The following NEO1 variants were observed in gnomAD, a reference collection of about 807,000 sequenced individuals.
The protein encoded by NEO1 is neogenin 1, also known as neogenin.
Under a neutral mutation model 159.7 loss-of-function variants are expected in NEO1, and 63 were observed. The observed-to-expected ratio is 0.39, with a 90% CI of 0.32 to 0.49. The LOEUF is 0.49. Among genes scored for constraint, NEO1 ranks in the 20% least tolerant of loss-of-function variants. The probability of loss-of-function intolerance (pLI) is 0.85; values close to 1 mark genes in which losing one functional copy is unlikely to be tolerated. For missense variants in NEO1, 1,615 were observed against 1,831.0 expected, an observed-to-expected ratio of 0.88 and a Z score of 2.15; for synonymous variants, 633 against 662.0, an observed-to-expected ratio of 0.96 and a Z score of 0.67.
chr15:73,302,803 A>G lies in NEO1; in HGVS notation c.*107A>G. 9.7e-7 allele frequency: 1 copy of G among 1,025,784 alleles called. No homozygotes were observed. Among genetic ancestry groups the G allele is most frequent in the Non-Finnish European group, 1.5e-6 (1 of 680,616 alleles). The allele number at this position is 1,025,784 out of a possible 1,614,324, so 63.5% of individuals were successfully genotyped here. On this transcript the variant is annotated 3_prime_UTR_variant, in exon 29 of 29. Coordinates refer to ENST00000261908, the MANE Select transcript of NEO1 (RefSeq NM_002499.4). Reference sequence around the variant, plus strand: ...ACGAGAGGACAGCACTTGAGAACACAGAATGAGCCAGCAGACTGGCCAGCG... The same window carrying G: ...ACGAGAGGACAGCACTTGAGAACACGGAATGAGCCAGCAGACTGGCCAGCG...
intron 22 of NEO1, among the ~76,000 whole-genome samples, chr15:73,280,149 G>C (rs942849903): frequency 6.6e-6 from 1 of 152,084 alleles, no homozygotes; most frequent in Non-Finnish European, 1.5e-5. Context: ...GGCCAGGCGT[G>C]GTGGTATGCA....
chr15:73,302,519 C>T (rs1488227007), intron 28 of NEO1, 94 bp from the exon 29 acceptor site: 11 of 1,149,288 alleles, frequency 9.6e-6, no homozygotes, highest in Non-Finnish European at 1.3e-5. Flanking sequence ...GGCCATTTGA[C>T]TACTGACCAC....
At chr15:73,236,217 T>C in intron 7 of NEO1, 130 bp from the exon 8 acceptor site, 1 of 1,291,996 alleles carries the variant, frequency 7.7e-7, no homozygotes, top group Non-Finnish European at 1.1e-6. Flanking sequence ...TGTTTTTTGT[T>C]TTTTCTGTTC....
At chr15:73,267,052 A>C (rs527858749) in intron 16 of NEO1, among the ~76,000 whole-genome samples, 169 of 152,286 alleles carry the variant, frequency 1.1e-3, no homozygotes, top group African/African-American at 3.9e-3. Flanking sequence ...AGGTCAGGAG[A>C]TCGAGACCAT....
intron 1 of NEO1, among the ~76,000 whole-genome samples, chr15:73,064,175 G>A (rs2068100679): frequency 6.6e-6 from 1 of 152,186 alleles, no homozygotes; most frequent in African/African-American, 2.4e-5. Context: ...AAATTTTGGG[G>A]TAAGAAATGT....
chr15:73,096,981 TG>T (rs1188550372), intron 1 of NEO1, among the ~76,000 whole-genome samples: 1 of 151,852 alleles, frequency 6.6e-6, no homozygotes, highest in Non-Finnish European at 1.5e-5. Flanking sequence ...AAAAATTAGC[TG>T]GGTGTGGTAG....
chr15:73,102,137 G>A (rs186900231), intron 1 of NEO1, among the ~76,000 whole-genome samples: 158 of 152,278 alleles, frequency 1.0e-3, no homozygotes, highest in Non-Finnish European at 1.2e-3. Context: ...AGAGGCCGAG[G>A]CGGGCGGATC....
chr15:73,061,412 T>G (rs2067972782), intron 1 of NEO1, among the ~76,000 whole-genome samples: 1 of 152,178 alleles, frequency 6.6e-6, no homozygotes, highest in South Asian at 2.1e-4. Flanking sequence ...AGATCTTCCC[T>G]CAGAAATCTC....
chr15:73,249,379 C>T (rs531109457), intron 10 of NEO1, among the ~76,000 whole-genome samples, 171 bp downstream of exon 10: 1 of 152,218 alleles, frequency 6.6e-6, no homozygotes, highest in Non-Finnish European at 1.5e-5. Context: ...GTAGTTTTTA[C>T]CAGCAGTGGT....
chr15:73,099,679 C>T (rs1595978559), intron 1 of NEO1, among the ~76,000 whole-genome samples: 1 of 152,198 alleles, frequency 6.6e-6, no homozygotes, highest in Admixed American at 6.5e-5. Flanking sequence ...TTTCTGTGTT[C>T]ATGAATTAAT....
rs765897455 is a variant in NEO1, at chr15:73,270,372, C to G, written c.2775C>G (p.Leu925=). The part of the protein sequence containing the change: ...YLVTGLKPNT[L]YEFSVMVTKG... ...TGACTGGTTTAAAGCCGAATACACTCTATGAATTCTCTGTGATGGTGACCA... is the reference window on the plus strand; with the variant it reads ...TGACTGGTTTAAAGCCGAATACACTGTATGAATTCTCTGTGATGGTGACCA... The change falls in exon 18 of 29, where the codon CTC becomes CTG. Residue 925 remains leucine, a synonymous_variant. Coordinates refer to ENST00000261908, the MANE Select transcript of NEO1 (RefSeq NM_002499.4). 5 of 1,614,042 alleles carry G rather than the reference C, an allele frequency of 3.1e-6. No individual in the cohort carries two copies. The highest frequency in any genetic ancestry group is 3.4e-6 in the Non-Finnish European group (4 of 1,180,032).
intron 7 of NEO1, among the ~76,000 whole-genome samples, chr15:73,193,537 A>T (rs2036354725): frequency 6.6e-6 from 1 of 150,548 alleles, no homozygotes; most frequent in Non-Finnish European, 1.5e-5. Flanking sequence ...GTCAGTATAA[A>T]TAAGTGTTAT....
chr15:73,194,522 G>A (rs2152027977), intron 7 of NEO1, among the ~76,000 whole-genome samples: 1 of 152,250 alleles, frequency 6.6e-6, no homozygotes, highest in Admixed American at 6.5e-5. Context: ...GAGAGGAGGA[G>A]GTTCCAGGCT....
chr15:73,268,139 G>A (rs2041000964), intron 16 of NEO1, among the ~76,000 whole-genome samples: 1 of 151,848 alleles, frequency 6.6e-6, no homozygotes, highest in Admixed American at 6.6e-5. Context: ...CTACATGTTT[G>A]GTAGTTCTGT....
intron 8 of NEO1, among the ~76,000 whole-genome samples, chr15:73,242,389 C>G (rs946815119): frequency 2.0e-5 from 3 of 152,096 alleles, no homozygotes; most frequent in African/African-American, 4.8e-5. Flanking sequence ...CATAAGGGAC[C>G]AGGTGTGGTG....
intron 7 of NEO1, among the ~76,000 whole-genome samples, chr15:73,187,445 G>A (rs2151996807): frequency 6.6e-6 from 1 of 152,180 alleles, no homozygotes; most frequent in Non-Finnish European, 1.5e-5. Flanking sequence ...AAGTGAAACA[G>A]ACATCCACTG....
At chr15:73,095,667 T>C (rs2069980125) in intron 1 of NEO1, among the ~76,000 whole-genome samples, 1 of 111,054 alleles carries the variant, frequency 9.0e-6, no homozygotes, top group South Asian at 2.6e-4. Context: ...CAATTAGTCT[T>C]TATTTGTTTT....
rs532036817 is a variant in NEO1 at position 73,242,574 on chromosome 15, G to A, written c.1452-1770G>A. On this transcript the variant is annotated intron_variant, in intron 8 of 28. Coordinates refer to ENST00000261908, the MANE Select transcript of NEO1 (RefSeq NM_002499.4). ...TCCCAGCTACGTACTGGAGGCCAGG[G>A]CACAAGAATCCCTTGGACCCAGGAG... 3.3e-5 allele frequency among the ~76,000 whole-genome samples: 5 copies of A among 152,256 alleles called. No individual in the cohort carries two copies. The South Asian group carries it at 1.0e-3, about 32-fold the overall frequency.
intron 7 of NEO1, among the ~76,000 whole-genome samples, chr15:73,211,350 C>T (rs2037552257): frequency 6.6e-6 from 1 of 152,188 alleles, no homozygotes; most frequent in Non-Finnish European, 1.5e-5. Context: ...TAAGATGCCC[C>T]ATTTATGAAC....
Sources: allele counts gnomAD v4.1 joint callset (sites outside exome capture counted in the v4.1 genomes callset), GRCh38; gene constraint gnomAD v4.1.1; transcripts MANE v1.5; gene names NCBI Gene and HGNC (gene_info 2026-07-23, HGNC 2026-07-21).